PPFIA1: variants seen among roughly 807,000 people sequenced by gnomAD.
The protein encoded by PPFIA1 is liprin-alpha-1.
Under a neutral mutation model 149.9 loss-of-function variants are expected in PPFIA1, and 25 were observed. The ratio of observed to expected loss-of-function variants is 0.17; its 90% CI spans 0.12 to 0.23. The LOEUF (loss-of-function observed/expected upper bound fraction) is 0.23, where lower values mean the gene tolerates loss of function less well. PPFIA1 is among the 10% of genes least tolerant of loss of function. The pLI is 1.00. For missense variants in PPFIA1, 1,362 were observed against 1,506.5 expected, an observed-to-expected ratio of 0.90 and a Z score of 1.59; for synonymous variants, 549 against 552.8, an observed-to-expected ratio of 0.99 and a Z score of 0.10.
At chr11:70,333,593 G>A (rs1193489102) in intron 10 of PPFIA1, 40 bp downstream of exon 10, 3 of 1,517,044 alleles carry the variant, frequency 2.0e-6, no homozygotes, top group South Asian at 1.2e-5. Context: ...CTGAGTGGGT[G>A]CTGCAAGGTC....
chr11:70,342,936 C>CCTT (rs2055426798), intron 14 of PPFIA1, among the ~76,000 whole-genome samples: 1 of 78,172 alleles, frequency 1.3e-5, no homozygotes, highest in Admixed American at 1.4e-4. Context: ...AATGTACCAC[C>CCTT]TTTTTTTTTT....
At chr11:70,316,618 T>G (rs531722200) in intron 2 of PPFIA1, among the ~76,000 whole-genome samples, 1 of 152,246 alleles carries the variant, frequency 6.6e-6, no homozygotes, top group East Asian at 1.9e-4. Flanking sequence ...CTGTTGCCCC[T>G]TTCCCACTGG....
intron 14 of PPFIA1, among the ~76,000 whole-genome samples, chr11:70,342,874 CTCTTT>C (rs2055418900): frequency 7.0e-6 from 1 of 142,260 alleles, no homozygotes; most frequent in South Asian, 2.3e-4. Flanking sequence ...TTACGTATTT[CTCTTT>C]TCTTTACACT....
At chr11:70,339,065 TTCC>T in intron 13 of PPFIA1, 103 bp from the exon 14 acceptor site, 1 of 1,383,972 alleles carries the variant, frequency 7.2e-7, no homozygotes, top group Non-Finnish European at 9.9e-7. Context: ...TGGAGACCCT[TTCC>T]TGTGTGGAAT....
intron 2 of PPFIA1, among the ~76,000 whole-genome samples, chr11:70,296,887 C>T (rs901371426): frequency 2.0e-4 from 30 of 152,126 alleles, no homozygotes; most frequent in African/African-American, 4.6e-4. Flanking sequence ...TCTGGGTCTG[C>T]GCTGTCCCCT....
chr11:70,378,834 C>T (rs2057591407), intron 26 of PPFIA1, among the ~76,000 whole-genome samples: 1 of 152,184 alleles, frequency 6.6e-6, no homozygotes, highest in South Asian at 2.1e-4. Flanking sequence ...TTCCCTTAGA[C>T]GGCCACTTTG....
chr11:70,371,767 A>C (rs2057279441), intron 21 of PPFIA1: 1 of 152,442 alleles, frequency 6.6e-6, no homozygotes, highest in African/African-American at 2.4e-5. Context: ...CTATATTTTA[A>C]CTGACTTTTA....
intron 15 of PPFIA1, among the ~76,000 whole-genome samples, chr11:70,347,214 G>A (rs1419891541): frequency 6.6e-6 from 1 of 152,092 alleles, no homozygotes; most frequent in African/African-American, 2.4e-5. Context: ...CTAAGAATAG[G>A]GGAGATAAGG....
chr11:70,340,669 C>T (rs2055274450), intron 14 of PPFIA1, among the ~76,000 whole-genome samples: 1 of 152,062 alleles, frequency 6.6e-6, no homozygotes, highest in Non-Finnish European at 1.5e-5. Flanking sequence ...AGGAAGAATG[C>T]CTGCATCCCA....
In PPFIA1 at chr11:70,339,169, AGCC is replaced by A; in HGVS notation, c.1572_1574del (p.Arg525del). On this transcript the variant is annotated splice_acceptor_variant and coding_sequence_variant, in exon 14 of 28. Transcript: ENST00000253925. LOFTEE classifies it high-confidence loss of function. ...TGATCATTCTTATTTTTCATGTTTC[AGCC>A]GACCCCACTTGGGCAGTGTCCCAGA... The A allele has an allele frequency of 6.2e-7, 1 of 1,613,082 alleles. No homozygotes were observed. Among genetic ancestry groups the A allele is most frequent in the South Asian group, 1.1e-5 (1 of 91,042 alleles).
In PPFIA1 at chr11:70,348,417, C is replaced by T; in HGVS notation, c.2160C>T (p.Thr720=). 1 of 1,600,556 alleles carries T rather than the reference C, an allele frequency of 6.2e-7. No individual in the cohort carries two copies. Among genetic ancestry groups the T allele is most frequent in the Non-Finnish European group, 8.6e-7 (1 of 1,167,808 alleles). The change falls in exon 16 of 28, where the codon ACC becomes ACT. Residue 720 remains threonine (T), a synonymous_variant. Coordinates refer to ENST00000253925, the MANE Select transcript of PPFIA1 (RefSeq NM_003626.5). ...AAGTGGACAGACTGGGCGTCATGACCCTTGTACGTATCCGCCCTTTCCCTG... is the reference window on the plus strand; with the variant it reads ...AAGTGGACAGACTGGGCGTCATGACTCTTGTACGTATCCGCCCTTTCCCTG... ...AREVDRLGVM[T]LLPPSREEVR...
At chr11:70,326,452 C>T (rs997250076) in intron 6 of PPFIA1, 89 bp downstream of exon 6, 212 of 1,320,746 alleles carry the variant, frequency 1.6e-4, no homozygotes, top group Middle Eastern at 3.7e-4. Flanking sequence ...GCTAAAGTAC[C>T]GGCTTAGAGC....
chr11:70,271,747 T>A (rs751144882), intron 1 of PPFIA1, among the ~76,000 whole-genome samples: 19 of 152,200 alleles, frequency 1.2e-4, no homozygotes, highest in Non-Finnish European at 2.2e-4. Context: ...ATGCTCCTTC[T>A]GTGCTTTTCC....
Position 70,365,300 on chromosome 11 carries a change from T to C in PPFIA1, c.2865+2812T>C, listed in dbSNP as rs2135278181. On this transcript the variant is annotated intron_variant, in intron 21 of 27. Coordinates refer to ENST00000253925, the MANE Select transcript of PPFIA1 (RefSeq NM_003626.5). The stretch of plus-strand genomic sequence containing the variant: ...GCCCCTTCTCTGTGCCTGTGGCTTA[T>C]GCGTGTGCCCCTCTCCTCTTTGTCA... 4.1e-5 allele frequency: 18 copies of C among 441,838 alleles called. 1 individual carries two copies. The highest frequency in any genetic ancestry group is 2.5e-4 in the South Asian group (16 of 63,128). The allele number at this position is 441,838 out of a possible 1,614,324, so 27.4% of individuals were successfully genotyped here. A position where few individuals can be genotyped will look rare whatever the true frequency, so the allele number is the denominator to read the frequency against.
intron 21 of PPFIA1, among the ~76,000 whole-genome samples, chr11:70,369,531 G>A (rs2057124246): frequency 6.6e-6 from 1 of 151,588 alleles, no homozygotes; most frequent in African/African-American, 2.4e-5. Context: ...TAGAATCGTG[G>A]TTATTTATTT....
chr11:70,311,673 A>C (rs938532856), intron 2 of PPFIA1, among the ~76,000 whole-genome samples: 1 of 151,922 alleles, frequency 6.6e-6, no homozygotes, highest in South Asian at 2.1e-4. Context: ...GGCACTTTTG[A>C]TGGTTTTCCC....
At chr11:70,335,174 C>T (rs977057635) in intron 10 of PPFIA1, among the ~76,000 whole-genome samples, 1 of 152,002 alleles carries the variant, frequency 6.6e-6, no homozygotes, top group Non-Finnish European at 1.5e-5. Flanking sequence ...TTAAGTTCAC[C>T]CTTCCTCCCC....
intron 21 of PPFIA1, among the ~76,000 whole-genome samples, chr11:70,370,521 G>C (rs958548271): frequency 4.6e-5 from 7 of 151,892 alleles, no homozygotes; most frequent in Non-Finnish European, 1.0e-4. Context: ...TGAGTAGCTG[G>C]AACTGCAGGC....
chr11:70,297,355 G>C (rs1044957266), intron 2 of PPFIA1, among the ~76,000 whole-genome samples: 19 of 151,900 alleles, frequency 1.3e-4, no homozygotes, highest in Non-Finnish European at 1.9e-4. Context: ...ACTGCAGTGA[G>C]CTATGATCAT....
Sources: allele counts gnomAD v4.1 joint callset (sites outside exome capture counted in the v4.1 genomes callset), GRCh38; gene constraint gnomAD v4.1.1; transcripts MANE v1.5; gene names NCBI Gene and HGNC (gene_info 2026-07-23, HGNC 2026-07-21).